Variants in SLC29A3 observed in about 807,000 individuals in gnomAD.
SLC29A3 encodes the protein solute carrier family 29 member 3, also known as equilibrative nucleoside transporter 3.
Under a neutral mutation model 25.4 loss-of-function variants are expected in SLC29A3, and 18 were observed. The ratio of observed to expected loss-of-function variants is 0.71; its 90% CI spans 0.49 to 1.05. The LOEUF is 1.05. SLC29A3 is among the 50% of genes least tolerant of loss of function. The probability of loss-of-function intolerance (pLI) is 0.00; values close to 1 mark genes in which losing one functional copy is unlikely to be tolerated. For synonymous variants in SLC29A3, 258 were observed against 267.1 expected, an observed-to-expected ratio of 0.97 and a Z score of 0.33; for missense variants, 586 against 609.0, an observed-to-expected ratio of 0.96 and a Z score of 0.40.
intron 2 of SLC29A3, among the ~76,000 whole-genome samples, chr10:71,341,645 C>T (rs999564126): frequency 1.3e-5 from 2 of 152,226 alleles, no homozygotes; most frequent in Non-Finnish European, 2.9e-5. Flanking sequence ...CTATCTCTGC[C>T]TAGCAAAATA....
rs41281300 is a variant in SLC29A3 at position 71,344,147 on chromosome 10, C to G, written c.301-62C>G. 372,390 of 1,315,070 alleles carry G rather than the reference C, an allele frequency of 0.28. 55,597 individuals carry two copies. Among genetic ancestry groups the G allele is most frequent in the Non-Finnish European group, 0.31 (279,021 of 909,224 alleles). The allele number at this position is 1,315,070 out of a possible 1,614,324, so 81.5% of individuals were successfully genotyped here. On this transcript the variant is annotated intron_variant, in intron 2 of 5. Transcript: ENST00000373189. ...CAGAGAGGGGCCCTGTCTCTGCTCG[C>G]GTGGAACTGCTCACCTCCATCCCTG...
At chr10:71,334,003 G>A (rs1206920563) in intron 2 of SLC29A3, among the ~76,000 whole-genome samples, 1 of 152,218 alleles carries the variant, frequency 6.6e-6, no homozygotes, top group Non-Finnish European at 1.5e-5. Flanking sequence ...CCGAGGCAGG[G>A]TATAAAGGTA....
chr10:71,322,494 T>A, intron 1 of SLC29A3, among the ~76,000 whole-genome samples: 1 of 152,260 alleles, frequency 6.6e-6, no homozygotes, highest in Admixed American at 6.5e-5. Context: ...AGTTATGTGC[T>A]ACTGCTACCT....
Position 71,356,207 on chromosome 10 carries a change from G to T in SLC29A3, c.737G>T (p.Gly246Val). Residue 246 changes from glycine to valine, a missense_variant, in exon 5 of 6, where the codon GGA becomes GTA. Coordinates refer to ENST00000373189, the MANE Select transcript of SLC29A3 (RefSeq NM_018344.6). ...TATVFLVLCM[G>V]LYLLLSRLEY... is the part of the protein sequence containing the mutation. ...ACTGTCTTCCTCGTGCTCTGCATGG[G>T]ACTCTACCTGCTGCTGTCCAGGCTG... 6.2e-7 allele frequency: 1 copy of T among 1,614,056 alleles called. No individual in the cohort carries two copies. The highest frequency in any genetic ancestry group is 8.5e-7 in the Non-Finnish European group (1 of 1,180,000).
rs571102657 is a variant in SLC29A3 at position 71,344,203 on chromosome 10, T to C, written c.301-6T>C. 9.9e-5 allele frequency: 159 copies of C among 1,613,374 alleles called. 3 individuals are homozygous for C. In the South Asian group the frequency reaches 1.7e-3, roughly 17 times the overall value. ...CCGCAGCACCTCCTCACTTGTGTGC[T>C]TGCAGAACTACTTTGAGAGCTACCT... On this transcript the variant is annotated splice_polypyrimidine_tract_variant and splice_region_variant and intron_variant, in intron 2 of 5. Transcript: ENST00000373189.
chr10:71,325,284 C>T (rs1845939819), intron 2 of SLC29A3, among the ~76,000 whole-genome samples: 1 of 152,198 alleles, frequency 6.6e-6, no homozygotes, highest in Non-Finnish European at 1.5e-5. Flanking sequence ...TGCAGCTACA[C>T]ATGTGGGTCA....
rs3781325 is a variant in SLC29A3 at position 71,355,066 on chromosome 10, G to A, written c.611-1015G>A. On this transcript the variant is annotated intron_variant, in intron 4 of 5. Coordinates refer to ENST00000373189, the MANE Select transcript of SLC29A3 (RefSeq NM_018344.6). ...CCAGAAGCAACAATGCAGTCGTGGC[G>A]AGGCAGGGCATAGCGTTTGTTGAAG... Among the ~76,000 whole-genome samples, 1,220 of 152,306 alleles carry A rather than the reference G, an allele frequency of 8.0e-3. 35 individuals are homozygous for A. The highest frequency in any genetic ancestry group is 0.063 in the East Asian group (326 of 5,188).
intron 2 of SLC29A3, among the ~76,000 whole-genome samples, chr10:71,328,557 A>G (rs1343378841): frequency 6.6e-6 from 1 of 151,564 alleles, no homozygotes; most frequent in African/African-American, 2.4e-5. Flanking sequence ...GGTGAATAAA[A>G]CTCTCTTACT....
At chr10:71,347,373 C>T (rs897243493) in intron 3 of SLC29A3, among the ~76,000 whole-genome samples, 26 of 152,166 alleles carry the variant, frequency 1.7e-4, no homozygotes, top group Non-Finnish European at 3.7e-4. Context: ...CAAGAGTCTT[C>T]ACAGGACTGA....
chr10:71,327,281 A>G (rs1205519774), intron 2 of SLC29A3, among the ~76,000 whole-genome samples: 2 of 152,166 alleles, frequency 1.3e-5, no homozygotes, highest in African/African-American at 4.8e-5. Flanking sequence ...AAATGTGGGG[A>G]TGGCTTAGAA....
intron 3 of SLC29A3, among the ~76,000 whole-genome samples, chr10:71,371,781 A>G (rs1388738802): frequency 6.6e-6 from 1 of 152,214 alleles, no homozygotes; most frequent in African/African-American, 2.4e-5. Flanking sequence ...AGATTAAATG[A>G]TTTAATCCAT....
intron 3 of SLC29A3, among the ~76,000 whole-genome samples, chr10:71,347,507 C>T (rs762332233): frequency 6.6e-6 from 1 of 152,166 alleles, no homozygotes. Flanking sequence ...GCACGACTGT[C>T]CCCTGGGCCA....
intron 2 of SLC29A3, among the ~76,000 whole-genome samples, chr10:71,329,052 C>T (rs181252582): frequency 6.6e-6 from 1 of 152,336 alleles, no homozygotes; most frequent in Non-Finnish European, 1.5e-5. Flanking sequence ...CAAGTCCCTG[C>T]CATGCAGCCT....
chr10:71,369,766 T>G (rs1847197499), intron 3 of SLC29A3, among the ~76,000 whole-genome samples: 1 of 152,190 alleles, frequency 6.6e-6, no homozygotes, highest in Non-Finnish European at 1.5e-5. Context: ...CCCTGCCAGG[T>G]GGGGTGGGTC....
intron 4 of SLC29A3, among the ~76,000 whole-genome samples, chr10:71,376,189 C>A (rs188171231): frequency 1.3e-5 from 2 of 152,354 alleles, no homozygotes; most frequent in East Asian, 3.9e-4. Flanking sequence ...AAAGCTCTGA[C>A]CACAGCCACT....
chr10:71,369,315 G>T (rs1847193609), intron 3 of SLC29A3, among the ~76,000 whole-genome samples: 1 of 152,192 alleles, frequency 6.6e-6, no homozygotes, highest in African/African-American at 2.4e-5. Context: ...AAGGAGCTTG[G>T]CTGAACTGTG....
At chr10:71,356,899 T>A (rs1013032868) in intron 5 of SLC29A3, among the ~76,000 whole-genome samples, 11 of 152,182 alleles carry the variant, frequency 7.2e-5, no homozygotes, top group Non-Finnish European at 1.2e-4. Flanking sequence ...ATTATTATTT[T>A]TTATTATTCC....
chr10:71,381,380 A>G (rs1046417717), downstream of SLC29A3: 1 of 152,238 alleles, frequency 6.6e-6, no homozygotes, highest in African/African-American at 2.4e-5. Flanking sequence ...AATAAAATCA[A>G]AAGAGCAAAG....
At chr10:71,326,999 CT>C (rs1238411894) in intron 2 of SLC29A3, among the ~76,000 whole-genome samples, 6 of 152,208 alleles carry the variant, frequency 3.9e-5, no homozygotes, top group Non-Finnish European at 7.3e-5. Context: ...CCTGATTTCC[CT>C]GTGAGAGGCT....
Sources: allele counts gnomAD v4.1 joint callset (sites outside exome capture counted in the v4.1 genomes callset), GRCh38; gene constraint gnomAD v4.1.1; transcripts MANE v1.5; gene names NCBI Gene and HGNC (gene_info 2026-07-23, HGNC 2026-07-21).